LNP1: variants seen among roughly 807,000 people sequenced by gnomAD.
LNP1 encodes the protein leukemia NUP98 fusion partner 1.
A neutral mutation model predicts 14.5 loss-of-function variants in LNP1; 12 were observed. The ratio of observed to expected loss-of-function variants is 0.83; its 90% CI spans 0.53 to 1.34. The LOEUF is 1.34. Ranked by LOEUF, LNP1 falls within the 40% of genes most tolerant of loss-of-function variation. LNP1 has a pLI of 0.00. For missense variants in LNP1, 198 were observed against 210.9 expected (o/e 0.94, Z 0.38); for synonymous variants, 75 against 71.4 (o/e 1.05, Z -0.26).
chr3:100,444,429 C>T (rs1416939951), intron 2 of LNP1, among the ~76,000 whole-genome samples: 1 of 152,116 alleles, frequency 6.6e-6, no homozygotes, highest in Non-Finnish European at 1.5e-5. Context: ...AAATACAGCC[C>T]TAAGAAAACC....
At chr3:100,410,682 C>T (rs1206244048) in intron 1 of LNP1, among the ~76,000 whole-genome samples, 2 of 152,108 alleles carry the variant, frequency 1.3e-5, no homozygotes, top group Non-Finnish European at 2.9e-5. Context: ...GGGATTTTAC[C>T]AGCAGAAACA....
chr3:100,406,280 C>T (rs1206586389), intron 1 of LNP1, among the ~76,000 whole-genome samples: 3 of 151,362 alleles, frequency 2.0e-5, no homozygotes, highest in South Asian at 2.1e-4. Flanking sequence ...AGTGAGATGC[C>T]GCCTCAAGAA....
At chr3:100,439,610 C>G (rs114627617) in intron 2 of LNP1, among the ~76,000 whole-genome samples, 1 of 152,148 alleles carries the variant, frequency 6.6e-6, no homozygotes, top group South Asian at 2.1e-4. Context: ...CCTCTACCCC[C>G]CTAACACCCA....
intron 2 of LNP1, among the ~76,000 whole-genome samples, chr3:100,446,558 A>G (rs1325139660): frequency 6.6e-6 from 1 of 152,174 alleles, no homozygotes; most frequent in Non-Finnish European, 1.5e-5. Flanking sequence ...TTCATAACTA[A>G]AACACCAAAA....
At chr3:100,423,474 G>A (rs952947891) in intron 1 of LNP1, among the ~76,000 whole-genome samples, 2 of 151,928 alleles carry the variant, frequency 1.3e-5, no homozygotes, top group African/African-American at 2.4e-5. Flanking sequence ...CCTGGGCAAC[G>A]TAGTGAGACC....
At chr3:100,409,783 C>T (rs1027236567) in intron 1 of LNP1, among the ~76,000 whole-genome samples, 2 of 151,028 alleles carry the variant, frequency 1.3e-5, no homozygotes, top group African/African-American at 4.8e-5. Context: ...TTAGTAGAGA[C>T]GGGGTTTCAC....
Position 100,455,962 on chromosome 3 carries a change from G to A in LNP1, c.*36G>A. On this transcript the variant is annotated 3_prime_UTR_variant, in exon 4 of 4. Transcript: ENST00000383693. ...CTGCCTCATGACATCAGATGCTACT[G>A]TTTTGGTTTTTTTCTTTGAGCCCCA... 6.4e-7 allele frequency: 1 copy of A among 1,571,700 alleles called. No individual in the cohort carries two copies. Among genetic ancestry groups the A allele is most frequent in the South Asian group, 1.2e-5 (1 of 84,242 alleles).
chr3:100,448,954 ATT>A (rs1209994872), intron 2 of LNP1, among the ~76,000 whole-genome samples: 1 of 152,350 alleles, frequency 6.6e-6, no homozygotes, highest in Non-Finnish European at 1.5e-5. Flanking sequence ...AAATTTGCAT[ATT>A]AAAGGAAACA....
intron 1 of LNP1, among the ~76,000 whole-genome samples, chr3:100,405,892 CT>C (rs1706960682): frequency 1.3e-5 from 2 of 152,332 alleles, no homozygotes; most frequent in Admixed American, 6.5e-5. Context: ...ATCCTCTTCA[CT>C]TTCACTATAA....
chr3:100,409,956 C>CATCT (rs71625560), intron 1 of LNP1, among the ~76,000 whole-genome samples: 29,091 of 149,370 alleles, frequency 0.19, 2,880 homozygotes, highest in Non-Finnish European at 0.22. Flanking sequence ...ACATAGCTTA[C>CATCT]ATCTATCTAT....
chr3:100,410,417 A>C (rs972316367), intron 1 of LNP1, among the ~76,000 whole-genome samples: 1 of 152,226 alleles, frequency 6.6e-6, no homozygotes, highest in Non-Finnish European at 1.5e-5. Flanking sequence ...AAAGTAGCAA[A>C]GAATATGGCT....
At chr3:100,408,450 C>T (rs1706993643) in intron 1 of LNP1, among the ~76,000 whole-genome samples, 1 of 152,228 alleles carries the variant, frequency 6.6e-6, no homozygotes, top group African/African-American at 2.4e-5. Context: ...TGGGTGCACC[C>T]AAAGCCCACA....
At chr3:100,417,004 A>G (rs1707091047) in intron 1 of LNP1, among the ~76,000 whole-genome samples, 1 of 151,876 alleles carries the variant, frequency 6.6e-6, no homozygotes, top group Non-Finnish European at 1.5e-5. Context: ...CCTAGCTCAT[A>G]CCTTCTTTCT....
chr3:100,442,160 G>T (rs1388814106), intron 2 of LNP1, among the ~76,000 whole-genome samples: 1 of 151,906 alleles, frequency 6.6e-6, no homozygotes, highest in African/African-American at 2.4e-5. Context: ...TTAAGGCTTG[G>T]CGTCTTTTGT....
intron 1 of LNP1, among the ~76,000 whole-genome samples, chr3:100,421,842 A>C (rs1707146135): frequency 1.3e-5 from 2 of 152,162 alleles, no homozygotes; most frequent in Admixed American, 1.3e-4. Flanking sequence ...ATGGAGGTTC[A>C]AGTTTTTTTG....
intron 1 of LNP1, among the ~76,000 whole-genome samples, chr3:100,418,854 T>A (rs1468461854): frequency 1.3e-5 from 2 of 152,218 alleles, no homozygotes; most frequent in African/African-American, 4.8e-5. Flanking sequence ...TACCACAGGC[T>A]TTTTGTACTC....
intron 2 of LNP1, among the ~76,000 whole-genome samples, chr3:100,440,348 A>C (rs2148905908): frequency 6.6e-6 from 1 of 152,272 alleles, no homozygotes; most frequent in Non-Finnish European, 1.5e-5. Flanking sequence ...GGATCTAAGG[A>C]GGGGAATAGT....
intron 2 of LNP1, among the ~76,000 whole-genome samples, chr3:100,440,183 T>A (rs1029442511): frequency 1.1e-4 from 16 of 152,184 alleles, no homozygotes; most frequent in African/African-American, 2.9e-4. Context: ...CCGGTCAGAT[T>A]GGATTAGGGC....
intron 1 of LNP1, among the ~76,000 whole-genome samples, chr3:100,405,510 A>G (rs543507211): frequency 6.6e-6 from 1 of 152,298 alleles, no homozygotes; most frequent in South Asian, 2.1e-4. Flanking sequence ...GTGTGCCAGC[A>G]TGGTCAAATT....
Sources: allele counts gnomAD v4.1 joint callset (sites outside exome capture counted in the v4.1 genomes callset), GRCh38; gene constraint gnomAD v4.1.1; transcripts MANE v1.5; gene names NCBI Gene and HGNC (gene_info 2026-07-23, HGNC 2026-07-21).